CTNNA2: variants seen among roughly 807,000 people sequenced by gnomAD.
CTNNA2 encodes catenin alpha 2.
A neutral mutation model predicts 101.0 loss-of-function variants in CTNNA2; 42 were observed. The observed-to-expected ratio is 0.42, with a 90% CI of 0.32 to 0.54. The LOEUF is 0.54. Among genes scored for constraint, CTNNA2 ranks in the 20% least tolerant of loss-of-function variants. The pLI, the probability that CTNNA2 is intolerant of heterozygous loss-of-function variation, is 0.14. For synonymous variants in CTNNA2, 450 were observed against 456.4 expected (o/e 0.99, Z 0.18); for missense variants, 871 against 1,223.1 (o/e 0.71, Z 4.29).
intron 7 of CTNNA2, among the ~76,000 whole-genome samples, chr2:79,927,434 G>C (rs1558648135): frequency 6.6e-6 from 1 of 152,098 alleles, no homozygotes; most frequent in Admixed American, 6.6e-5. Context: ...GAAGACAATG[G>C]AGTCTGAACT....
At chr2:79,894,232 C>T (rs1479174972) in intron 6 of CTNNA2, among the ~76,000 whole-genome samples, 1 of 151,988 alleles carries the variant, frequency 6.6e-6, no homozygotes, top group East Asian at 1.9e-4. Context: ...CCCTTTAGAA[C>T]TCTTGATTTG....
At chr2:79,897,940 T>A (rs1260991585) in intron 6 of CTNNA2, among the ~76,000 whole-genome samples, 4 of 152,148 alleles carry the variant, frequency 2.6e-5, no homozygotes, top group Non-Finnish European at 5.9e-5. Flanking sequence ...ACCTCTTTTA[T>A]AAGTGCCTTA....
At chr2:79,484,007 C>T (rs1573187387) in intron 4 of CTNNA2, among the ~76,000 whole-genome samples, 1 of 152,192 alleles carries the variant, frequency 6.6e-6, no homozygotes, top group African/African-American at 2.4e-5. Flanking sequence ...GGTTGGGAGG[C>T]CGAGGCAGGC....
chr2:79,413,198 G>T (rs1440017561), intron 4 of CTNNA2, among the ~76,000 whole-genome samples: 3 of 151,670 alleles, frequency 2.0e-5, no homozygotes, highest in African/African-American at 7.3e-5. Flanking sequence ...GGTGGTTCTG[G>T]GAAAAAATGG....
intron 2 of CTNNA2, among the ~76,000 whole-genome samples, chr2:79,201,536 G>A (rs1260774031): frequency 1.3e-5 from 2 of 152,026 alleles, no homozygotes; most frequent in Non-Finnish European, 2.9e-5. Flanking sequence ...CTTCCTTGTT[G>A]GAAGGAAGTA....
At chr2:80,368,031 C>T (rs1228352561) in intron 7 of CTNNA2, among the ~76,000 whole-genome samples, 1 of 152,096 alleles carries the variant, frequency 6.6e-6, no homozygotes, top group Non-Finnish European at 1.5e-5. Context: ...CAAAAAATGA[C>T]TTCTGAAAGC....
intron 7 of CTNNA2, among the ~76,000 whole-genome samples, chr2:79,996,574 A>T (rs1419347859): frequency 6.6e-6 from 1 of 152,144 alleles, no homozygotes; most frequent in African/African-American, 2.4e-5. Context: ...GCAGCTCTGG[A>T]CAGAAGATGA....
intron 7 of CTNNA2, among the ~76,000 whole-genome samples, chr2:80,256,351 G>A (rs1672143830): frequency 6.6e-6 from 1 of 152,126 alleles, no homozygotes; most frequent in Admixed American, 6.6e-5. Flanking sequence ...ACTGATGGGT[G>A]TGTTAGTAGC....
At chr2:80,043,311 C>A (rs1696302928) in intron 7 of CTNNA2, among the ~76,000 whole-genome samples, 2 of 151,268 alleles carry the variant, frequency 1.3e-5, no homozygotes, top group South Asian at 4.2e-4. Context: ...GATTCTCATG[C>A]CTCAGCCTCC....
At chr2:80,494,713 A>C (rs1367743771) in intron 9 of CTNNA2, among the ~76,000 whole-genome samples, 2 of 152,204 alleles carry the variant, frequency 1.3e-5, no homozygotes, top group African/African-American at 2.4e-5. Context: ...AGTATGTCTT[A>C]TGTCTCTGTG....
intron 2 of CTNNA2, among the ~76,000 whole-genome samples, chr2:79,304,882 T>A (rs1190807496): frequency 6.6e-6 from 1 of 152,184 alleles, no homozygotes; most frequent in African/African-American, 2.4e-5. Flanking sequence ...CTGACTAAAG[T>A]AGTGGGTTTT....
intron 3 of CTNNA2, among the ~76,000 whole-genome samples, chr2:79,835,628 T>A (rs1278893448): frequency 6.8e-6 from 1 of 147,382 alleles, no homozygotes; most frequent in Admixed American, 6.8e-5. Context: ...GCCTAAAGGA[T>A]CCTTGCCACT....
intron 1 of CTNNA2, among the ~76,000 whole-genome samples, chr2:79,580,169 A>G (rs1676062184): frequency 6.6e-6 from 1 of 151,758 alleles, no homozygotes; most frequent in African/African-American, 2.4e-5. Context: ...CGTTGGAGAA[A>G]CTTTCTCCAG....
intron 4 of CTNNA2, among the ~76,000 whole-genome samples, chr2:79,417,931 G>T (rs1052054070): frequency 2.0e-5 from 3 of 152,074 alleles, no homozygotes; most frequent in South Asian, 2.1e-4. Context: ...ATTGATGGAG[G>T]TTGGCCATAC....
intron 9 of CTNNA2, among the ~76,000 whole-genome samples, chr2:80,526,473 C>A (rs988579840): frequency 6.6e-6 from 1 of 152,154 alleles, no homozygotes; most frequent in Admixed American, 6.5e-5. Flanking sequence ...CCTGAGATTA[C>A]AGATGTGCGT....
At chr2:79,713,349 G>A (rs1025044590) in intron 2 of CTNNA2, among the ~76,000 whole-genome samples, 2 of 152,206 alleles carry the variant, frequency 1.3e-5, no homozygotes, top group Non-Finnish European at 2.9e-5. Flanking sequence ...GGGAGGCTGA[G>A]GTGGGAAGGT....
At chr2:79,746,178 A>G (rs1671632467) in intron 3 of CTNNA2, among the ~76,000 whole-genome samples, 1 of 152,076 alleles carries the variant, frequency 6.6e-6, no homozygotes, top group Non-Finnish European at 1.5e-5. Context: ...AACTTTTTAT[A>G]TGCTTCCTAG....
At chr2:80,314,483 T>C (rs1251611519) in intron 7 of CTNNA2, among the ~76,000 whole-genome samples, 1 of 152,144 alleles carries the variant, frequency 6.6e-6, no homozygotes, top group Admixed American at 6.5e-5. Context: ...ACTCCCCTAG[T>C]CCATAGCAAG....
intron 7 of CTNNA2, among the ~76,000 whole-genome samples, chr2:80,186,780 T>A (rs1175100465): frequency 6.6e-6 from 1 of 152,210 alleles, no homozygotes; most frequent in East Asian, 1.9e-4. Context: ...GTTTATGTAT[T>A]TTTGTCTCTC....
Sources: gnomAD v4.1 joint callset for allele counts (sites outside exome capture counted in the v4.1 genomes callset) on GRCh38, gnomAD v4.1.1 for gene constraint, MANE v1.5 for transcripts, NCBI Gene and HGNC (gene_info 2026-07-23, HGNC 2026-07-21) for gene names.